YTHDC2: variants seen among roughly 807,000 people sequenced by gnomAD.
YTHDC2 encodes 3'-5' RNA helicase YTHDC2.
A neutral mutation model predicts 174.9 loss-of-function variants in YTHDC2; 45 were observed. The ratio of observed to expected loss-of-function variants is 0.26; its 90% CI spans 0.20 to 0.33. YTHDC2 has a LOEUF of 0.33. YTHDC2 is among the 10% of genes least tolerant of loss of function. The probability of loss-of-function intolerance (pLI) is 1.00; values close to 1 mark genes in which losing one functional copy is unlikely to be tolerated. For missense variants in YTHDC2, 1,650 were observed against 1,723.7 expected (o/e 0.96, Z 0.76); for synonymous variants, 657 against 574.5 (o/e 1.14, Z -2.05).
chr5:113,563,789 G>A, intron 19 of YTHDC2, 70 bp from the exon 20 acceptor site: 4 of 1,519,888 alleles, frequency 2.6e-6, no homozygotes, highest in Admixed American at 1.9e-5. Context: ...CTCATTTAGG[G>A]GTTTTTAATT....
chr5:113,566,371 A>G (rs960817445), intron 21 of YTHDC2, among the ~76,000 whole-genome samples: 2 of 151,620 alleles, frequency 1.3e-5, no homozygotes, highest in South Asian at 2.1e-4. Flanking sequence ...TGAAATAGAA[A>G]TTTTAAAAAA....
At chr5:113,566,617 T>G (rs556534405) in intron 21 of YTHDC2, among the ~76,000 whole-genome samples, 3 of 152,170 alleles carry the variant, frequency 2.0e-5, no homozygotes, top group South Asian at 2.1e-4. Flanking sequence ...CCAGAGGACT[T>G]AAGAGTTGAC....
intron 4 of YTHDC2, among the ~76,000 whole-genome samples, chr5:113,531,342 A>C (rs1322071880): frequency 6.6e-6 from 1 of 152,150 alleles, no homozygotes; most frequent in Non-Finnish European, 1.5e-5. Context: ...AAAGAGTTGT[A>C]GCTGCGGTCC....
At chr5:113,522,255 T>G (rs1364773835) in intron 2 of YTHDC2, among the ~76,000 whole-genome samples, 2 of 151,960 alleles carry the variant, frequency 1.3e-5, no homozygotes, top group Non-Finnish European at 2.9e-5. Context: ...TTTAAACTGT[T>G]CTTAGATTTA....
chr5:113,539,145 A>G lies in YTHDC2; in HGVS notation c.1174A>G (p.Lys392Glu). The change falls in exon 8 of 30, where the codon AAA becomes GAA. Residue 392 changes from lysine to glutamate, a missense_variant. Around this residue, in one of 5 missense-constraint regions of YTHDC2, gnomAD observed 411 missense variants for 380.6 expected, o/e 1.08. Coordinates refer to ENST00000161863, the MANE Select transcript of YTHDC2 (RefSeq NM_022828.5). ...DILRTTGYTN[K>E]EMLKYKKEKQ... ...TTTAAGAACAACTGGATATACAAAC[A>G]AAGAAATGTTAAAATATAAAAAGGA... The G allele has an allele frequency of 2.1e-6, 3 of 1,409,238 alleles. No homozygotes were observed. Among genetic ancestry groups the G allele is most frequent in the Non-Finnish European group, 2.9e-6 (3 of 1,049,986 alleles). The allele number at this position is 1,409,238 out of a possible 1,614,324, so 87.3% of individuals were successfully genotyped here. A position where few individuals can be genotyped will look rare whatever the true frequency, so the allele number is the denominator to read the frequency against.
intron 4 of YTHDC2, among the ~76,000 whole-genome samples, chr5:113,531,775 A>G (rs1774687748): frequency 6.6e-6 from 1 of 152,192 alleles, no homozygotes; most frequent in African/African-American, 2.4e-5. Flanking sequence ...AAATGAAAAT[A>G]AAAACAGTTA....
rs138503872 is a variant in YTHDC2 at position 113,567,427 on chromosome 5, T to TATATATATATATATATATAA, written c.3048+130_3048+131insATATATATATATATATATAA. On this transcript the variant is annotated intron_variant, in intron 22 of 29. Coordinates refer to ENST00000161863, the MANE Select transcript of YTHDC2 (RefSeq NM_022828.5). ...AGTTATATATATATATATATATATATCATTAAATATTGGAACAAAACTTAT... is the reference window on the plus strand; with the variant it reads ...AGTTATATATATATATATATATATATATATATATATATATATATAACATTAAATATTGGAACAAAACTTAT... The TATATATATATATATATATAA allele has an allele frequency of 8.9e-4, 334 of 375,018 alleles. 8 individuals are homozygous for TATATATATATATATATATAA. Among genetic ancestry groups the TATATATATATATATATATAA allele is most frequent in the African/African-American group, 8.1e-3 (320 of 39,522 alleles). The allele number at this position is 375,018 out of a possible 1,614,324, so 23.2% of individuals were successfully genotyped here. A position where few individuals can be genotyped will look rare whatever the true frequency, so the allele number is the denominator to read the frequency against.
intron 3 of YTHDC2, among the ~76,000 whole-genome samples, 162 bp downstream of exon 3, chr5:113,525,339 G>A (rs1221550276): frequency 1.3e-5 from 2 of 151,844 alleles, no homozygotes; most frequent in African/African-American, 4.8e-5. Context: ...ACAAAGTGCA[G>A]TGTTAAAGCA....
chr5:113,539,193 A>G lies in YTHDC2; in HGVS notation c.1210+12A>G. The G allele has an allele frequency of 8.7e-7, 1 of 1,146,676 alleles. No homozygotes were observed. Among genetic ancestry groups the G allele is most frequent in the Non-Finnish European group, 1.2e-6 (1 of 827,534 alleles). The allele number at this position is 1,146,676 out of a possible 1,614,324, so 71.0% of individuals were successfully genotyped here. A position where few individuals can be genotyped will look rare whatever the true frequency, so the allele number is the denominator to read the frequency against. ...GGAAAAACAGCAAGGTAAATTTTTT[A>G]ATAAAAGAAATATAAAAGAAATTAC... On this transcript the variant is annotated intron_variant, in intron 8 of 29. Coordinates refer to ENST00000161863, the MANE Select transcript of YTHDC2 (RefSeq NM_022828.5).
Position 113,581,599 on chromosome 5 carries a change from A to G in YTHDC2, c.3537A>G (p.Pro1179=). The G allele has an allele frequency of 6.2e-7, 1 of 1,614,068 alleles. No homozygotes were observed. The change falls in exon 25 of 30, where the codon CCA becomes CCG. Residue 1179 remains proline (P), a synonymous_variant. Coordinates refer to ENST00000161863, the MANE Select transcript of YTHDC2 (RefSeq NM_022828.5). ...AACCATCTGGGATTGGCCAAAGGCC[A>G]AGGCCTATGTCTTCAGAAGAGCTTC... ...LQQPSGIGQR[P]RPMSSEELPL...
chr5:113,566,046 T>G, intron 21 of YTHDC2, 27 bp downstream of exon 21: 1 of 1,582,582 alleles, frequency 6.3e-7, no homozygotes. Flanking sequence ...AAAGAGCCTA[T>G]TTAAGTTACT....
At chr5:113,525,899 T>A (rs1236238847) in intron 3 of YTHDC2, among the ~76,000 whole-genome samples, 1 of 152,114 alleles carries the variant, frequency 6.6e-6, no homozygotes, top group Non-Finnish European at 1.5e-5. Context: ...GAACTTTCAC[T>A]TTAAATATAG....
chr5:113,520,230 T>G (rs1157537112), intron 2 of YTHDC2, among the ~76,000 whole-genome samples: 1 of 152,224 alleles, frequency 6.6e-6, no homozygotes, highest in Non-Finnish European at 1.5e-5. Flanking sequence ...GGACATGAAC[T>G]TACTCTTTTT....
intron 7 of YTHDC2, among the ~76,000 whole-genome samples, chr5:113,536,172 T>A (rs1182531251): frequency 6.6e-6 from 1 of 152,258 alleles, no homozygotes; most frequent in Non-Finnish European, 1.5e-5. Context: ...GCCCTTGTCC[T>A]TTATTAAAAA....
At chr5:113,532,851 C>G (rs1774770437) in intron 4 of YTHDC2, 28 bp from the exon 5 acceptor site, 3 of 1,587,826 alleles carry the variant, frequency 1.9e-6, no homozygotes, top group Non-Finnish European at 2.6e-6. Flanking sequence ...ATCATGTCAT[C>G]TTACAGTTTT....
rs763578598 is a variant in YTHDC2, at chr5:113,564,063, A to G, written c.2647A>G (p.Met883Val). The change falls in exon 20 of 30, where the codon ATG becomes GTG. Residue 883 changes from methionine to valine, a missense_variant. Met to Val is a conservative substitution (Grantham distance 21, BLOSUM62 1). Around this residue, in one of 5 missense-constraint regions of YTHDC2, gnomAD observed 913 missense variants for 940.4 expected, o/e 0.97. Transcript: ENST00000161863. ...PTQASQKRAA[M>V]LCRKRFTAGA... ...TCAGGCCTCTCAAAAACGTGCAGCT[A>G]TGCTTTGTAGGAAACGTTTTACTGC... The G allele has an allele frequency of 2.0e-5, 32 of 1,614,044 alleles. No homozygotes were observed. Among genetic ancestry groups the G allele is most frequent in the African/African-American group, 2.7e-5 (2 of 74,928 alleles).
rs756393523 is a variant in YTHDC2 at position 113,534,426 on chromosome 5, T to G, written c.945+19T>G. The stretch of plus-strand genomic sequence containing the variant: ...TATCGTGGTAAGAATATTGCTGAAT[T>G]TGTCATATGTAACTCAGATTGCTTA... On this transcript the variant is annotated intron_variant, in intron 6 of 29. Coordinates refer to ENST00000161863, the MANE Select transcript of YTHDC2 (RefSeq NM_022828.5). The G allele has an allele frequency of 6.3e-7, 1 of 1,598,810 alleles. No homozygotes were observed. Among genetic ancestry groups the G allele is most frequent in the South Asian group, 1.1e-5 (1 of 90,302 alleles).
intron 26 of YTHDC2, among the ~76,000 whole-genome samples, chr5:113,589,404 A>AT (rs1437521528): frequency 1.3e-3 from 148 of 114,456 alleles, no homozygotes; most frequent in Middle Eastern, 4.3e-3. Flanking sequence ...TTAAAAAAAA[A>AT]AAAAATATAT....
rs1774766614 is a variant in YTHDC2 at position 113,532,824 on chromosome 5, A to T, written c.676-55A>T. 5 of 1,499,748 alleles carry T rather than the reference A, an allele frequency of 3.3e-6. 1 individual carries two copies. The highest frequency in any genetic ancestry group is 2.1e-4 in the Middle Eastern group (1 of 4,844). 92.9% of individuals were successfully genotyped at this position (1,499,748 alleles called of 1,614,324 possible). A position where few individuals can be genotyped will look rare whatever the true frequency, so the allele number is the denominator to read the frequency against. Reference sequence around the variant, plus strand: ...GTGGTTTTTCAGTTGATTCACTTAGATTTTTTGTATTATGTGATCATGTCA... The same window carrying T: ...GTGGTTTTTCAGTTGATTCACTTAGTTTTTTTGTATTATGTGATCATGTCA... On this transcript the variant is annotated intron_variant, in intron 4 of 29. Coordinates refer to ENST00000161863, the MANE Select transcript of YTHDC2 (RefSeq NM_022828.5).
Sources: gnomAD v4.1 joint callset for allele counts (sites outside exome capture counted in the v4.1 genomes callset) on GRCh38, gnomAD v4.1.1 for gene constraint, gnomAD v4.1.1 regional missense constraint, MANE v1.5 for transcripts, NCBI Gene and HGNC (gene_info 2026-07-23, HGNC 2026-07-21) for gene names.